The following FAM184B variants were observed in gnomAD, a reference collection of about 807,000 sequenced individuals.
The protein encoded by FAM184B is protein FAM184B.
Under a neutral mutation model 135.9 loss-of-function variants are expected in FAM184B, and 111 were observed. The ratio of observed to expected loss-of-function variants is 0.82; its 90% confidence interval spans 0.70 to 0.96. FAM184B has a LOEUF of 0.96. FAM184B is among the 40% of genes least tolerant of loss of function. The pLI, the probability that FAM184B is intolerant of heterozygous loss-of-function variation, is 0.00. For missense variants in FAM184B, 1,375 were observed against 1,323.9 expected, an observed-to-expected ratio of 1.04 and a Z score of -0.60; for synonymous variants, 552 against 524.8, an observed-to-expected ratio of 1.05 and a Z score of -0.71.
At chr4:17,658,312 T>A in intron 10 of FAM184B, 38 bp downstream of exon 10, 1 of 1,541,700 alleles carries the variant, frequency 6.5e-7, no homozygotes, top group Non-Finnish European at 8.8e-7. Context: ...ACCTAGCAGG[T>A]GCCCGGCACA....
chr4:17,642,127 G>T lies in FAM184B; in HGVS notation c.2448C>A (p.Asp816Glu). Reference protein sequence around the residue: ...GLWEENAQLQDAVRRLRAEVE... With the variant: ...GLWEENAQLQEAVRRLRAEVE... Reference sequence around the variant, plus strand: ...CCTCCGCGCGCAGCCGCCGCACCGCGTCCTGGAGCTGCGCGTTCTCCTCCC... The same window carrying T: ...CCTCCGCGCGCAGCCGCCGCACCGCTTCCTGGAGCTGCGCGTTCTCCTCCC... Residue 816 changes from aspartate to glutamate, a missense_variant, in exon 13 of 18, where the codon GAC becomes GAA. Transcript: ENST00000265018. 1 of 1,533,308 alleles carries T rather than the reference G, an allele frequency of 6.5e-7. No homozygotes were observed. The highest frequency in any genetic ancestry group is 2.5e-5 in the East Asian group (1 of 40,690). The allele number at this position is 1,533,308 out of a possible 1,614,324, so 95.0% of individuals were successfully genotyped here. A position where few individuals can be genotyped will look rare whatever the true frequency, so the allele number is the denominator to read the frequency against.
In FAM184B at chr4:17,647,674, C is replaced by T. The variant is rs1452031555; in HGVS notation, c.2309G>A (p.Cys770Tyr). Residue 770 changes from cysteine to tyrosine, a missense_variant, in exon 12 of 18, where the codon TGT becomes TAT. Coordinates refer to ENST00000265018, the MANE Select transcript of FAM184B (RefSeq NM_015688.2). Reference protein sequence around the residue: ...ALGRQQASSQCPGDSKDHIIA... With the variant: ...ALGRQQASSQYPGDSKDHIIA... The stretch of plus-strand genomic sequence containing the variant: ...TATGTGATCCTTGCTGTCTCCTGGA[C>T]ACTGGCTGCTGGCTTGCTGTCTGCC... The T allele has an allele frequency of 6.4e-7, 1 of 1,550,930 alleles. No individual in the cohort carries two copies. The highest frequency in any genetic ancestry group is 1.2e-5 in the South Asian group (1 of 84,018).
chr4:17,702,430 C>A (rs963147027), intron 5 of FAM184B, among the ~76,000 whole-genome samples: 38 of 152,240 alleles, frequency 2.5e-4, no homozygotes, highest in African/African-American at 8.9e-4. Context: ...GGCATCAAGG[C>A]CTACAGGTCA....
rs745409620 is a variant in FAM184B, at chr4:17,630,768, T to C, written c.*1764A>G. Reference sequence around the variant, plus strand: ...CTTTAATACGTAAGTTTGACAGTTATATGTAATCAGCTTTTTTTTTTTTAA... The same window carrying C: ...CTTTAATACGTAAGTTTGACAGTTACATGTAATCAGCTTTTTTTTTTTTAA... On this transcript the variant is annotated 3_prime_UTR_variant, in exon 18 of 18. Coordinates refer to ENST00000265018, the MANE Select transcript of FAM184B (RefSeq NM_015688.2). The C allele has an allele frequency of 1.5e-5, 2 of 131,084 alleles. No homozygotes were observed. Among genetic ancestry groups the C allele is most frequent in the South Asian group, 2.5e-4 (1 of 3,924 alleles). 8.1% of individuals were successfully genotyped at this position (131,084 alleles called of 1,614,324 possible). A position where few individuals can be genotyped will look rare whatever the true frequency, so the allele number is the denominator to read the frequency against.
chr4:17,662,669 A>T (rs1421155550), intron 8 of FAM184B, among the ~76,000 whole-genome samples: 1 of 152,210 alleles, frequency 6.6e-6, no homozygotes, highest in African/African-American at 2.4e-5. Context: ...TAAATACCTA[A>T]AAGTGGAACT....
intron 7 of FAM184B, among the ~76,000 whole-genome samples, chr4:17,667,681 C>A (rs1042764736): frequency 5.3e-5 from 8 of 152,196 alleles, no homozygotes; most frequent in Middle Eastern, 6.3e-3. Context: ...CTCTGCTAAG[C>A]CAGAACTACA....
rs759165341 is a variant in FAM184B, at chr4:17,652,994, A to T, written c.2038-11T>A. On this transcript the variant is annotated splice_polypyrimidine_tract_variant and intron_variant, in intron 10 of 17. Transcript: ENST00000265018. ...GCGTTCCTCTGTGGCCTGTGGGAAA[A>T]AGTGGGAACAAGAAGGCATGAAAGT... The T allele has an allele frequency of 6.4e-7, 1 of 1,551,366 alleles. No individual in the cohort carries two copies. Among genetic ancestry groups the T allele is most frequent in the South Asian group, 1.2e-5 (1 of 84,056 alleles).
intron 8 of FAM184B, among the ~76,000 whole-genome samples, chr4:17,661,445 T>G (rs11723607): frequency 0.55 from 83,965 of 151,868 alleles, 24,632 homozygotes; most frequent in East Asian, 0.83. Flanking sequence ...CCAGCTACTC[T>G]GGAGGCTGAG....
intron 1 of FAM184B, among the ~76,000 whole-genome samples, chr4:17,729,277 AGCTCAAGGAGGCCT>A: frequency 6.6e-6 from 1 of 152,368 alleles, no homozygotes; most frequent in South Asian, 2.1e-4. Context: ...AGCCCACCAC[AGCTCAAGGAGGCCT>A]GCCTGCCTCT....
chr4:17,758,716 G>A (rs969050772), intron 1 of FAM184B, among the ~76,000 whole-genome samples: 1 of 152,232 alleles, frequency 6.6e-6, no homozygotes. Flanking sequence ...TAGCAGGCGA[G>A]AGCCTGAATG....
intron 7 of FAM184B, among the ~76,000 whole-genome samples, chr4:17,668,838 G>T (rs73235630): frequency 6.6e-6 from 1 of 152,210 alleles, no homozygotes; most frequent in Non-Finnish European, 1.5e-5. Flanking sequence ...ACCTGGCCTT[G>T]CTACCACAAT....
chr4:17,730,546 A>G (rs1717753124), intron 1 of FAM184B, among the ~76,000 whole-genome samples: 1 of 152,240 alleles, frequency 6.6e-6, no homozygotes, highest in Admixed American at 6.5e-5. Context: ...AGGGAAGCCC[A>G]TCAGACTAAC....
chr4:17,709,111 G>A lies in FAM184B; in HGVS notation c.675C>T (p.Tyr225=). ...ARKAEELQAT[Y]ERENEAIRQA... is the part of the protein sequence containing the mutation. ...GCCGGATGGCCTCGTTTTCCCTCTCGTAGGTGGCCTGCAGCTCCTCGGCCT... is the reference window on the plus strand; with the variant it reads ...GCCGGATGGCCTCGTTTTCCCTCTCATAGGTGGCCTGCAGCTCCTCGGCCT... Residue 225 remains tyrosine (Y), a synonymous_variant, in exon 2 of 18, where the codon TAC becomes TAT. Transcript: ENST00000265018. The A allele has an allele frequency of 1.3e-6, 2 of 1,549,320 alleles. No homozygotes were observed. The highest frequency in any genetic ancestry group is 8.7e-7 in the Non-Finnish European group (1 of 1,146,966).
rs138591258 is a variant in FAM184B, at chr4:17,728,864, C to T, written c.142-19220G>A. ...ATTTCTGCATTTCCATCTGAGGTAC[C>T]GGGTTCATCTCACTAGGGAGTGCCA... On this transcript the variant is annotated intron_variant, in intron 1 of 17. Coordinates refer to ENST00000265018, the MANE Select transcript of FAM184B (RefSeq NM_015688.2). Among the ~76,000 whole-genome samples, 542 of 152,210 alleles carry T rather than the reference C, an allele frequency of 3.6e-3. 3 individuals carry two copies. Among genetic ancestry groups the T allele is most frequent in the African/African-American group, 0.012 (492 of 41,542 alleles).
At chr4:17,708,713 T>C (rs1266294014) in intron 2 of FAM184B, among the ~76,000 whole-genome samples, 179 bp downstream of exon 2, 1 of 43,930 alleles carries the variant, frequency 2.3e-5, no homozygotes, top group Non-Finnish European at 4.3e-5. Context: ...ATATATAGTG[T>C]CTGTGTGTGT....
intron 6 of FAM184B, among the ~76,000 whole-genome samples, chr4:17,690,984 G>C (rs749231591): frequency 9.2e-5 from 14 of 152,124 alleles, no homozygotes; most frequent in Admixed American, 3.3e-4. Flanking sequence ...CATCATTTAG[G>C]GGGTAGGAGG....
chr4:17,642,012 G>A (rs1715332512), intron 13 of FAM184B, 44 bp downstream of exon 13: 2 of 1,491,824 alleles, frequency 1.3e-6, no homozygotes, highest in Admixed American at 2.2e-5. Flanking sequence ...TGGCGGGGTA[G>A]GGGGTGAGGG....
chr4:17,710,133 C>G (rs1017547413), intron 1 of FAM184B, among the ~76,000 whole-genome samples: 6 of 152,068 alleles, frequency 3.9e-5, no homozygotes, highest in African/African-American at 1.4e-4. Flanking sequence ...CGAGACCAGC[C>G]TAGCCAACAT....
At chr4:17,761,764 A>T (rs1213643800) in intron 1 of FAM184B, among the ~76,000 whole-genome samples, 1 of 151,994 alleles carries the variant, frequency 6.6e-6, no homozygotes, top group Non-Finnish European at 1.5e-5. Context: ...CATGTGATCC[A>T]CCTGCCTCAA....
Sources: allele counts gnomAD v4.1 joint callset (sites outside exome capture counted in the v4.1 genomes callset), GRCh38; gene constraint gnomAD v4.1.1; transcripts MANE v1.5; gene names NCBI Gene and HGNC (gene_info 2026-07-23, HGNC 2026-07-21).